The following SLC28A1 variants were observed in gnomAD, a reference collection of about 807,000 sequenced individuals.
The protein encoded by SLC28A1 is solute carrier family 28 member 1.
Under a neutral mutation model 74.8 loss-of-function variants are expected in SLC28A1, and 64 were observed. The observed-to-expected ratio is 0.86, with a 90% CI of 0.70 to 1.05. SLC28A1 has a LOEUF of 1.05. Ranked by LOEUF, SLC28A1 falls within the 50% of genes least tolerant of loss-of-function variation. The pLI is 0.00. For missense variants in SLC28A1, 828 were observed against 822.8 expected (o/e 1.01, Z -0.08); for synonymous variants, 359 against 335.0 (o/e 1.07, Z -0.78).
the SLC28A1 span, among the ~76,000 whole-genome samples, chr15:84,951,568 A>T: frequency 5.3e-5 from 8 of 152,192 alleles, no homozygotes; most frequent in African/African-American, 1.9e-4. Context: ...GGGATCTCTT[A>T]TATGAGCCTG....
intron 3 of SLC28A1, 62 bp from the exon 4 acceptor site, chr15:84,888,698 CCCCGACCCCCAG>C: frequency 9.4e-7 from 1 of 1,063,630 alleles, no homozygotes; most frequent in Non-Finnish European, 1.4e-6. Context: ...TCACCGTGGC[CCCCGACCCCCAG>C]CTGTAAGTTC....
At chr15:84,958,338 C>T in the SLC28A1 span, among the ~76,000 whole-genome samples, 2 of 152,154 alleles carry the variant, frequency 1.3e-5, no homozygotes, top group African/African-American at 4.8e-5. Context: ...TTACACCTCT[C>T]TTGGGTGGAT....
chr15:84,944,353 G>C (rs1054678684), intron 16 of SLC28A1, among the ~76,000 whole-genome samples: 2 of 152,216 alleles, frequency 1.3e-5, no homozygotes, highest in Non-Finnish European at 2.9e-5. Flanking sequence ...TGCCACTCAT[G>C]GTGTGTAGGG....
intron 9 of SLC28A1, among the ~76,000 whole-genome samples, chr15:84,911,563 TA>T (rs1314191662): frequency 6.6e-6 from 1 of 151,770 alleles, no homozygotes; most frequent in African/African-American, 2.4e-5. Flanking sequence ...AATGATCATT[TA>T]AAAATGTATC....
chr15:84,898,448 G>A (rs1275828145), intron 6 of SLC28A1, among the ~76,000 whole-genome samples: 1 of 151,930 alleles, frequency 6.6e-6, no homozygotes, highest in East Asian at 1.9e-4. Context: ...GCGTGGTGGC[G>A]GGCGCCTGTA....
chr15:84,896,550 A>G (rs1432615710), intron 6 of SLC28A1, among the ~76,000 whole-genome samples: 2 of 152,220 alleles, frequency 1.3e-5, no homozygotes, highest in Non-Finnish European at 2.9e-5. Flanking sequence ...ACGGTGGCTC[A>G]TGCCCGTAAT....
At chr15:84,967,314 T>C in the SLC28A1 span, among the ~76,000 whole-genome samples, 1 of 152,174 alleles carries the variant, frequency 6.6e-6, no homozygotes, top group Non-Finnish European at 1.5e-5. Flanking sequence ...TGGCTGACAT[T>C]ATGGTAAACT....
chr15:84,967,566 C>A, the SLC28A1 span, among the ~76,000 whole-genome samples: 9 of 152,148 alleles, frequency 5.9e-5, no homozygotes, highest in East Asian at 1.2e-3. Flanking sequence ...ACTTAGAAAC[C>A]AAAAAGAAAC....
chr15:84,894,934 C>G lies in SLC28A1; in HGVS notation c.278-6C>G, dbSNP rs1035982687. The G allele has an allele frequency of 6.2e-7, 1 of 1,613,986 alleles. No homozygotes were observed. ...CTGTTGACCCCTCCTCTGTCTCATC[C>G]CCCAGGGCTCTCTGCCTTCCTGCTG... is the stretch of plus-strand genomic sequence containing the variant. On this transcript the variant is annotated splice_polypyrimidine_tract_variant and splice_region_variant and intron_variant, in intron 5 of 18. Coordinates refer to ENST00000394573, the MANE Select transcript of SLC28A1 (RefSeq NM_004213.5).
intron 9 of SLC28A1, among the ~76,000 whole-genome samples, chr15:84,910,779 G>A (rs1182670394): frequency 1.3e-5 from 2 of 152,168 alleles, no homozygotes; most frequent in Non-Finnish European, 2.9e-5. Context: ...ACACTCTGCA[G>A]TTCAACCTCC....
At chr15:84,904,794 ACTAAATTCTGATGTGT>A (rs760675553) in intron 7 of SLC28A1, among the ~76,000 whole-genome samples, 2 of 58,190 alleles carry the variant, frequency 3.4e-5, no homozygotes, top group Non-Finnish European at 7.2e-5. Context: ...TCTGATGTGT[ACTAAATTCTGATGTGT>A]ACTAAATTCT....
rs1256370954 is a variant in SLC28A1 at position 84,904,216 on chromosome 15, C to A, written c.581C>A (p.Ala194Asp). ...TGCGTGTTCGTCGCTCTCCTCTTTG[C>A]CTGCTCAAAGCATCATTGCGCAGTG... Reference protein sequence around the residue: ...GICVFVALLFACSKHHCAVSW... With the variant: ...GICVFVALLFDCSKHHCAVSW... The change falls in exon 7 of 19, where the codon GCC becomes GAC. Residue 194 changes from alanine (A) to aspartate (D), a missense_variant. Around this residue, in one of 3 missense-constraint regions of SLC28A1, gnomAD observed 767 missense variants for 753.5 expected, o/e 1.02. Coordinates refer to ENST00000394573, the MANE Select transcript of SLC28A1 (RefSeq NM_004213.5). The A allele has an allele frequency of 7.4e-6, 12 of 1,614,090 alleles. No individual in the cohort carries two copies. Among genetic ancestry groups the A allele is most frequent in the Non-Finnish European group, 9.3e-6 (11 of 1,180,032 alleles).
rs1289771401 is a variant in SLC28A1 at position 84,912,804 on chromosome 15, G to GTGCACACA, written c.795+4009_795+4010insTGCACACA. Among the ~76,000 whole-genome samples, 109 of 58,696 alleles carry GTGCACACA rather than the reference G, an allele frequency of 1.9e-3. 1 individual carries two copies. Among genetic ancestry groups the GTGCACACA allele is most frequent in the East Asian group, 8.4e-3 (23 of 2,734 alleles). The allele number at this position is 58,696 out of a possible 152,430, so 38.5% of individuals were successfully genotyped here. The stretch of plus-strand genomic sequence containing the variant: ...GTCAACAGTGCCAAATTTTGCGCGC[G>GTGCACACA]CGCACACACACACACACACACACAC... On this transcript the variant is annotated intron_variant, in intron 9 of 18. Coordinates refer to ENST00000394573, the MANE Select transcript of SLC28A1 (RefSeq NM_004213.5).
At chr15:84,905,442 C>G (rs886489174) in intron 7 of SLC28A1, 97 bp from the exon 8 acceptor site, 1 of 830,016 alleles carries the variant, frequency 1.2e-6, no homozygotes, top group Non-Finnish European at 2.1e-6. Context: ...CAGCCCCATC[C>G]TCTGGGCAGG....
the SLC28A1 span, chr15:84,975,518 A>G: frequency 2.2e-6 from 1 of 456,244 alleles, no homozygotes; most frequent in Admixed American, 2.3e-5. Flanking sequence ...ATTCAAAAGT[A>G]CACCTGCCGA....
At chr15:84,889,803 TTCTTTCTTTC>T (rs1408121207) in intron 4 of SLC28A1, among the ~76,000 whole-genome samples, 2 of 150,752 alleles carry the variant, frequency 1.3e-5, no homozygotes, top group African/African-American at 4.9e-5. Flanking sequence ...CTTTTCTTTT[TTCTTTCTTTC>T]TCTTTCTTTC....
At chr15:84,890,091 TC>T (rs1965191641) in intron 4 of SLC28A1, among the ~76,000 whole-genome samples, 1 of 151,290 alleles carries the variant, frequency 6.6e-6, no homozygotes, top group Admixed American at 6.6e-5. Context: ...CTCCTGGGCC[TC>T]CCAAAGTGCT....
the SLC28A1 span, among the ~76,000 whole-genome samples, chr15:84,952,282 C>T: frequency 6.6e-6 from 1 of 152,320 alleles, no homozygotes; most frequent in East Asian, 1.9e-4. Context: ...GGCTGTGTGG[C>T]TATCTGCTCT....
At chr15:84,886,870 T>C in intron 2 of SLC28A1, 83 bp downstream of exon 2, 2 of 702,874 alleles carry the variant, frequency 2.8e-6, no homozygotes, top group Non-Finnish European at 3.5e-6. Flanking sequence ...TCTGCCTGTG[T>C]GTGTGCACGC....
Sources: gnomAD v4.1 joint callset for allele counts (sites outside exome capture counted in the v4.1 genomes callset) on GRCh38, gnomAD v4.1.1 for gene constraint, gnomAD v4.1.1 regional missense constraint, MANE v1.5 for transcripts, NCBI Gene and HGNC (gene_info 2026-07-23, HGNC 2026-07-21) for gene names.